RPS6KC1: variants seen among roughly 807,000 people sequenced by gnomAD.
The protein encoded by RPS6KC1 is inactive ribosomal protein S6 kinase delta-1.
Under a neutral mutation model 103.8 loss-of-function variants are expected in RPS6KC1, and 54 were observed. The ratio of observed to expected loss-of-function variants is 0.52; its 90% CI spans 0.42 to 0.65. The LOEUF (loss-of-function observed/expected upper bound fraction) is 0.65. Among genes scored for constraint, RPS6KC1 ranks in the 30% least tolerant of loss-of-function variants. The probability of loss-of-function intolerance (pLI) is 0.00; values close to 1 mark genes in which losing one functional copy is unlikely to be tolerated. For synonymous variants in RPS6KC1, 439 were observed against 438.7 expected, an observed-to-expected ratio of 1.00 and a Z score of -0.01; for missense variants, 1,151 against 1,253.8, an observed-to-expected ratio of 0.92 and a Z score of 1.24.
chr1:213,435,135 A>G, the RPS6KC1 span, among the ~76,000 whole-genome samples: 1 of 152,160 alleles, frequency 6.6e-6, no homozygotes, highest in African/African-American at 2.4e-5. Flanking sequence ...CAAGTTTACT[A>G]ATATTTCTCC....
chr1:213,658,307 G>A, the RPS6KC1 span, among the ~76,000 whole-genome samples: 7 of 152,174 alleles, frequency 4.6e-5, no homozygotes, highest in South Asian at 6.2e-4. Flanking sequence ...CCTGAGATCC[G>A]GAGAGGGGGT....
At chr1:213,443,126 T>C in the RPS6KC1 span, among the ~76,000 whole-genome samples, 1 of 152,138 alleles carries the variant, frequency 6.6e-6, no homozygotes, top group African/African-American at 2.4e-5. Context: ...ATGGAAGCAA[T>C]TTGGCAGAGT....
At chr1:213,173,960 G>A (rs1202354251) in intron 7 of RPS6KC1, among the ~76,000 whole-genome samples, 3 of 152,204 alleles carry the variant, frequency 2.0e-5, no homozygotes, top group Non-Finnish European at 4.4e-5. Flanking sequence ...TGTGAATAAG[G>A]AGGTATAAAT....
At chr1:213,716,836 C>G in the RPS6KC1 span, among the ~76,000 whole-genome samples, 1 of 152,126 alleles carries the variant, frequency 6.6e-6, no homozygotes, top group African/African-American at 2.4e-5. Context: ...TATTAAACGT[C>G]TGGCTAATAT....
At chr1:213,440,008 T>C in the RPS6KC1 span, among the ~76,000 whole-genome samples, 12 of 152,232 alleles carry the variant, frequency 7.9e-5, no homozygotes, top group African/African-American at 2.7e-4. Flanking sequence ...CTGCCAATGG[T>C]ACATAGCTAC....
the RPS6KC1 span, among the ~76,000 whole-genome samples, chr1:213,600,244 G>T: frequency 0.034 from 5,153 of 152,186 alleles, 270 homozygotes; most frequent in East Asian, 0.26. Context: ...TCTCAGCTAT[G>T]TCTTTATAGC....
At chr1:213,746,534 C>T in the RPS6KC1 span, among the ~76,000 whole-genome samples, 2 of 152,154 alleles carry the variant, frequency 1.3e-5, no homozygotes, top group Admixed American at 1.3e-4. Flanking sequence ...ATTGTAAGAT[C>T]TTTGGCTTAT....
the RPS6KC1 span, among the ~76,000 whole-genome samples, chr1:213,426,261 C>A: frequency 1.3e-5 from 2 of 152,040 alleles, no homozygotes; most frequent in Non-Finnish European, 2.9e-5. Context: ...AGTTTGGCTG[C>A]GGGAGGGCTT....
chr1:213,579,553 A>G, the RPS6KC1 span, among the ~76,000 whole-genome samples: 229 of 152,232 alleles, frequency 1.5e-3, no homozygotes, highest in African/African-American at 5.3e-3. Context: ...CAGATTTTCC[A>G]TGTAGACAAA....
the RPS6KC1 span, among the ~76,000 whole-genome samples, chr1:213,374,270 C>G: frequency 6.6e-6 from 1 of 152,206 alleles, no homozygotes; most frequent in Non-Finnish European, 1.5e-5. Flanking sequence ...GTGAGATTCA[C>G]AGTGTTCATT....
chr1:213,436,572 C>A, the RPS6KC1 span, among the ~76,000 whole-genome samples: 2 of 152,236 alleles, frequency 1.3e-5, no homozygotes, highest in South Asian at 4.2e-4. Context: ...GATTGGAATG[C>A]GTTGACTCTA....
chr1:213,460,669 T>C, the RPS6KC1 span, among the ~76,000 whole-genome samples: 1 of 152,190 alleles, frequency 6.6e-6, no homozygotes, highest in Admixed American at 6.5e-5. Flanking sequence ...GTTGATGCAG[T>C]TTCTTCATAG....
chr1:213,250,114 A>T (rs2094520560), intron 12 of RPS6KC1, among the ~76,000 whole-genome samples: 1 of 152,228 alleles, frequency 6.6e-6, no homozygotes, highest in Non-Finnish European at 1.5e-5. Context: ...GAATTACCTA[A>T]AAACCAACTG....
chr1:213,783,546 C>T, the RPS6KC1 span, among the ~76,000 whole-genome samples: 1 of 152,202 alleles, frequency 6.6e-6, no homozygotes, highest in East Asian at 1.9e-4. Flanking sequence ...CAGCACCTGG[C>T]TTTTTTGAAC....
the RPS6KC1 span, among the ~76,000 whole-genome samples, chr1:213,329,940 CAAAG>C: frequency 6.6e-6 from 1 of 152,124 alleles, no homozygotes; most frequent in Non-Finnish European, 1.5e-5. Flanking sequence ...GGCACCCTCT[CAAAG>C]AAACCTGAAG....
chr1:213,432,041 C>G, the RPS6KC1 span, among the ~76,000 whole-genome samples: 1 of 152,156 alleles, frequency 6.6e-6, no homozygotes, highest in African/African-American at 2.4e-5. Context: ...TTCCCACGTG[C>G]CTAATGACAG....
chr1:213,856,184 G>C, the RPS6KC1 span, among the ~76,000 whole-genome samples: 1 of 152,174 alleles, frequency 6.6e-6, no homozygotes, highest in Non-Finnish European at 1.5e-5. Context: ...CACACACACA[G>C]TGGAGGATAT....
intron 6 of RPS6KC1, among the ~76,000 whole-genome samples, chr1:213,155,422 A>G (rs181589200): frequency 5.9e-4 from 90 of 152,296 alleles, no homozygotes; most frequent in African/African-American, 2.1e-3. Flanking sequence ...CAGGCAGTCA[A>G]TTTCTGACCA....
chr1:213,113,279 A>C (rs1215925412), intron 4 of RPS6KC1, among the ~76,000 whole-genome samples: 3 of 151,772 alleles, frequency 2.0e-5, no homozygotes, highest in Non-Finnish European at 4.4e-5. Flanking sequence ...ATGATATCTC[A>C]TTGTGGTTTT....
Sources: allele counts gnomAD v4.1 joint callset (sites outside exome capture counted in the v4.1 genomes callset), GRCh38; gene constraint gnomAD v4.1.1; transcripts MANE v1.5; gene names NCBI Gene and HGNC (gene_info 2026-07-23, HGNC 2026-07-21).